NFX1: variants seen among roughly 807,000 people sequenced by gnomAD.
NFX1 encodes the protein nuclear transcription factor, X-box binding 1.
NFX1 carries 69 observed loss-of-function variants against 137.2 expected under a neutral mutation model. The observed-to-expected ratio is 0.50, with a 90% CI of 0.41 to 0.61. The LOEUF (loss-of-function observed/expected upper bound fraction) is 0.61. Ranked by LOEUF, NFX1 falls within the 20% of genes least tolerant of loss-of-function variation. The pLI is 0.00. For missense variants in NFX1, 1,167 were observed against 1,391.0 expected (o/e 0.84, Z 2.56); for synonymous variants, 495 against 474.1 (o/e 1.04, Z -0.57).
intron 16 of NFX1, 41 bp from the exon 17 acceptor site, chr9:33,352,605 T>A: frequency 6.5e-7 from 1 of 1,535,932 alleles, no homozygotes; most frequent in Non-Finnish European, 9.0e-7. Flanking sequence ...TTCACATAGT[T>A]CCAGTGTGCT....
chr9:33,335,590 G>C (rs1287362578), intron 11 of NFX1, among the ~76,000 whole-genome samples: 1 of 152,000 alleles, frequency 6.6e-6, no homozygotes, highest in Admixed American at 6.6e-5. Context: ...TGTTGACCAG[G>C]CTGGTCTTGA....
chr9:33,347,091 C>G lies in NFX1; in HGVS notation c.2398C>G (p.Gln800Glu). 1 of 1,613,502 alleles carries G rather than the reference C, an allele frequency of 6.2e-7. No individual in the cohort carries two copies. The highest frequency in any genetic ancestry group is 2.2e-5 in the East Asian group (1 of 44,860). ...EKCPPCTFLT[Q>E]KWCMGKHEFR... Reference sequence around the variant, plus strand: ...GTGTCCCCCTTGCACTTTCCTAACTCAGAAGTGGTGCATGGGCAAGCATGA... The same window carrying G: ...GTGTCCCCCTTGCACTTTCCTAACTGAGAAGTGGTGCATGGGCAAGCATGA... Residue 800 changes from glutamine to glutamate, a missense_variant, in exon 15 of 24, where the codon CAG becomes GAG. Transcript: ENST00000379540.
At chr9:33,363,971 C>A (rs1336550570) in intron 19 of NFX1, 39 bp from the exon 20 acceptor site, 1 of 1,418,348 alleles carries the variant, frequency 7.1e-7, no homozygotes, top group Admixed American at 2.2e-5. Flanking sequence ...TAGTTTCCCT[C>A]CCACTCCTTT....
chr9:33,332,537 G>A, intron 11 of NFX1, 35 bp downstream of exon 11: 1 of 1,481,336 alleles, frequency 6.8e-7, no homozygotes, highest in Non-Finnish European at 9.3e-7. Flanking sequence ...GAATTTCTGG[G>A]GTGAAAGTGT....
At chr9:33,328,525 G>A in intron 9 of NFX1, 56 bp from the exon 10 acceptor site, 4 of 1,339,184 alleles carry the variant, frequency 3.0e-6, no homozygotes, top group Middle Eastern at 1.8e-4. Flanking sequence ...AAATTTGGGA[G>A]TATGAAAATG....
chr9:33,338,277 C>CCT (rs1823086802), intron 11 of NFX1, among the ~76,000 whole-genome samples: 1 of 152,028 alleles, frequency 6.6e-6, no homozygotes, highest in South Asian at 2.1e-4. Context: ...ATCACTTGAA[C>CCT]CTGAGAGGTG....
rs149865646 is a variant in NFX1, at chr9:33,351,622, G to A, written c.2487G>A (p.Thr829=). Residue 829 remains threonine (T), a synonymous_variant, in exon 16 of 24, where the codon ACG becomes ACA. Coordinates refer to ENST00000379540, the MANE Select transcript of NFX1 (RefSeq NM_002504.6). The part of the protein sequence containing the change: ...DISCGLPCSA[T]LPCGMHKCQR... ...CTTGCGGATTACCCTGCAGTGCCAC[G>A]CTACCATGTGGGATGCACAAATGTC... 2.5e-5 allele frequency: 41 copies of A among 1,614,022 alleles called. No individual in the cohort carries two copies. Among genetic ancestry groups the A allele is most frequent in the Middle Eastern group, 1.6e-4 (1 of 6,084 alleles).
At chr9:33,329,548 A>C (rs928891734) in intron 10 of NFX1, among the ~76,000 whole-genome samples, 2 of 152,182 alleles carry the variant, frequency 1.3e-5, no homozygotes, top group Non-Finnish European at 2.9e-5. Flanking sequence ...CCAAGCACAA[A>C]GGCCAGACTC....
At chr9:33,351,171 G>C (rs944842353) in intron 15 of NFX1, among the ~76,000 whole-genome samples, 10 of 150,938 alleles carry the variant, frequency 6.6e-5, no homozygotes, top group Non-Finnish European at 1.5e-4. Flanking sequence ...AATACAAACT[G>C]TTATTGCCAG....
chr9:33,308,448 TAATA>T (rs980939635), intron 5 of NFX1, among the ~76,000 whole-genome samples: 6 of 151,938 alleles, frequency 3.9e-5, no homozygotes, highest in African/African-American at 1.5e-4. Context: ...TCTCTAAAAA[TAATA>T]AATAAATAAA....
At chr9:33,308,548 A>G (rs971541479) in intron 5 of NFX1, among the ~76,000 whole-genome samples, 4 of 152,250 alleles carry the variant, frequency 2.6e-5, no homozygotes, top group Admixed American at 2.6e-4. Context: ...ATAAATTTCT[A>G]CAGGCCTTAA....
chr9:33,321,598 G>C (rs562289252), intron 9 of NFX1, among the ~76,000 whole-genome samples: 2 of 152,330 alleles, frequency 1.3e-5, no homozygotes, highest in African/African-American at 4.8e-5. Flanking sequence ...CATCAAGGCT[G>C]GGCATGGTGG....
At chr9:33,316,256 G>GTA (rs1822158664) in intron 7 of NFX1, among the ~76,000 whole-genome samples, 1 of 151,652 alleles carries the variant, frequency 6.6e-6, no homozygotes, top group Non-Finnish European at 1.5e-5. Context: ...ATGTCATATG[G>GTA]ATCTGTAATT....
chr9:33,335,774 C>T (rs1449475311), intron 11 of NFX1, among the ~76,000 whole-genome samples: 1 of 152,208 alleles, frequency 6.6e-6, no homozygotes, highest in African/African-American at 2.4e-5. Context: ...TTTTCGAATA[C>T]TTCATCTAAA....
At chr9:33,361,069 T>C (rs1280413496) in intron 19 of NFX1, among the ~76,000 whole-genome samples, 3 of 152,236 alleles carry the variant, frequency 2.0e-5, no homozygotes, top group Non-Finnish European at 4.4e-5. Flanking sequence ...GTCCACTCCA[T>C]GTACCCCACA....
chr9:33,300,904 T>C (rs772868104), intron 2 of NFX1, among the ~76,000 whole-genome samples: 2 of 152,214 alleles, frequency 1.3e-5, no homozygotes, highest in Non-Finnish European at 2.9e-5. Flanking sequence ...ATGGATCTGA[T>C]AGATTTAGAG....
At chr9:33,321,689 A>G (rs1350384404) in intron 9 of NFX1, among the ~76,000 whole-genome samples, 4 of 152,168 alleles carry the variant, frequency 2.6e-5, no homozygotes, top group Non-Finnish European at 4.4e-5. Flanking sequence ...CAGCCTGGGC[A>G]ACATGGCAAG....
chr9:33,313,327 G>T (rs55863878), intron 6 of NFX1, among the ~76,000 whole-genome samples: 1 of 152,076 alleles, frequency 6.6e-6, no homozygotes, highest in East Asian at 1.9e-4. Flanking sequence ...GGTGGCTCAA[G>T]CCTGTAATCC....
At position 33,332,513 on chromosome 9, in the gene NFX1, G is replaced by C. The variant is rs1423153343; in HGVS notation, c.2035+11G>C. ...GTCTCAAAAGTGAAGGTATGACTGGGGTGGGGCATGAGGGAATTTCTGGGG... is the reference window on the plus strand; with the variant it reads ...GTCTCAAAAGTGAAGGTATGACTGGCGTGGGGCATGAGGGAATTTCTGGGG... On this transcript the variant is annotated intron_variant, in intron 11 of 23. Coordinates refer to ENST00000379540, the MANE Select transcript of NFX1 (RefSeq NM_002504.6). 1 of 1,566,438 alleles carries C rather than the reference G, an allele frequency of 6.4e-7. No individual in the cohort carries two copies. Among genetic ancestry groups the C allele is most frequent in the South Asian group, 1.2e-5 (1 of 86,726 alleles).
Sources: allele counts gnomAD v4.1 joint callset (sites outside exome capture counted in the v4.1 genomes callset), GRCh38; gene constraint gnomAD v4.1.1; transcripts MANE v1.5; gene names NCBI Gene and HGNC (gene_info 2026-07-23, HGNC 2026-07-21).